Variants in HSF2BP observed in about 807,000 individuals in gnomAD.
HSF2BP encodes heat shock factor 2-binding protein.
In HSF2BP, 35 loss-of-function variants were observed where a neutral mutation model predicts 35.0. The ratio of observed to expected loss-of-function variants is 1.00; its 90% CI spans 0.76 to 1.32. The LOEUF (loss-of-function observed/expected upper bound fraction) is 1.32. HSF2BP is among the 40% of genes most tolerant of loss of function. The probability of loss-of-function intolerance (pLI) is 0.00; values close to 1 mark genes in which losing one functional copy is unlikely to be tolerated. For missense variants in HSF2BP, 326 were observed against 321.7 expected, an observed-to-expected ratio of 1.01 and a Z score of -0.10; for synonymous variants, 114 against 117.4, an observed-to-expected ratio of 0.97 and a Z score of 0.18.
chr21:43,658,016 C>G, intron 2 of HSF2BP, 45 bp downstream of exon 2: 2 of 1,534,968 alleles, frequency 1.3e-6, no homozygotes, highest in Non-Finnish European at 1.7e-6. Context: ...GAGCGAATGG[C>G]GACGGTTCAA....
At chr21:43,620,051 C>T (rs2082314350) in intron 6 of HSF2BP, among the ~76,000 whole-genome samples, 1 of 152,126 alleles carries the variant, frequency 6.6e-6, no homozygotes, top group African/African-American at 2.4e-5. Context: ...AAAGAGGCAG[C>T]AACCTAGCAG....
intron 7 of HSF2BP, among the ~76,000 whole-genome samples, chr21:43,602,984 C>T (rs2082069492): frequency 6.6e-6 from 1 of 151,858 alleles, no homozygotes; most frequent in African/African-American, 2.4e-5. Context: ...AAAGGCCTTT[C>T]ATGGCCTACT....
intron 6 of HSF2BP, among the ~76,000 whole-genome samples, chr21:43,618,013 C>T (rs2082290310): frequency 6.6e-6 from 1 of 152,044 alleles, no homozygotes; most frequent in Non-Finnish European, 1.5e-5. Flanking sequence ...AATCCCAATA[C>T]TTTTGGAGGC....
Position 43,650,210 on chromosome 21 carries a change from T to C in HSF2BP, c.188-5818A>G, listed in dbSNP as rs376162519. ...CATCTAGAACCATCATATACTATTATATAATTTTTTTTTTGAGACAGAGTC... is the reference window on the plus strand; with the variant it reads ...CATCTAGAACCATCATATACTATTACATAATTTTTTTTTTGAGACAGAGTC... On this transcript the variant is annotated intron_variant, in intron 3 of 8. Coordinates refer to ENST00000291560, the MANE Select transcript of HSF2BP (RefSeq NM_007031.2). 4.2e-4 allele frequency among the ~76,000 whole-genome samples: 64 copies of C among 152,274 alleles called. No individual in the cohort carries two copies. In the East Asian group the frequency reaches 9.9e-3, roughly 23 times the overall value.
At chr21:43,581,603 C>T (rs918991364) in intron 8 of HSF2BP, among the ~76,000 whole-genome samples, 3 of 152,172 alleles carry the variant, frequency 2.0e-5, no homozygotes, top group African/African-American at 7.2e-5. Flanking sequence ...GCCAGGAACA[C>T]GGCCACAGGC....
intron 7 of HSF2BP, among the ~76,000 whole-genome samples, chr21:43,609,238 G>A (rs1211344600): frequency 2.6e-5 from 4 of 152,198 alleles, no homozygotes; most frequent in Admixed American, 6.5e-5. Context: ...CTTGGTATAC[G>A]CGGACATAAA....
chr21:43,595,077 A>C (rs970995892), intron 7 of HSF2BP, among the ~76,000 whole-genome samples: 5 of 152,194 alleles, frequency 3.3e-5, no homozygotes, highest in Admixed American at 6.5e-5. Context: ...CCTGGCCAAC[A>C]TGGCAAAACC....
rs930277537 is a variant in HSF2BP at position 43,636,218 on chromosome 21, GAAA to G, written c.292-2800_292-2798del. 4.0e-4 allele frequency among the ~76,000 whole-genome samples: 15 copies of G among 37,342 alleles called. 1 individual carries two copies. The highest frequency in any genetic ancestry group is 2.9e-3 in the African/African-American group (15 of 5,130). 24.5% of individuals were successfully genotyped at this position (37,342 alleles called of 152,430 possible). A position where few individuals can be genotyped will look rare whatever the true frequency, so the allele number is the denominator to read the frequency against. On this transcript the variant is annotated intron_variant, in intron 4 of 8. Transcript: ENST00000291560. ...AAGAAAAAAAAGAAAGAAAAGAAAAGAAAAGAAAAGAAAAGAAAAGAAAAGAAA... is the reference window on the plus strand; with the variant it reads ...AAGAAAAAAAAGAAAGAAAAGAAAAGAGAAAAGAAAAGAAAAGAAAAGAAA...
chr21:43,620,588 AGG>A (rs2082320113), intron 6 of HSF2BP, among the ~76,000 whole-genome samples: 2 of 152,162 alleles, frequency 1.3e-5, no homozygotes, highest in African/African-American at 4.8e-5. Context: ...TTACCTACTC[AGG>A]AGGCTGAGGT....
intron 6 of HSF2BP, among the ~76,000 whole-genome samples, chr21:43,620,473 G>C (rs1186192171): frequency 6.6e-6 from 1 of 152,126 alleles, no homozygotes; most frequent in African/African-American, 2.4e-5. Context: ...TGAGATAGGG[G>C]CCTTGGGGCC....
chr21:43,645,168 G>A (rs2147085934), intron 3 of HSF2BP, among the ~76,000 whole-genome samples: 1 of 152,252 alleles, frequency 6.6e-6, no homozygotes, highest in South Asian at 2.1e-4. Context: ...AGATTTGAGG[G>A]TGCTAAGAGC....
chr21:43,619,577 C>T (rs561604983), intron 6 of HSF2BP, among the ~76,000 whole-genome samples: 108 of 152,292 alleles, frequency 7.1e-4, no homozygotes, highest in African/African-American at 2.5e-3. Flanking sequence ...CTGTGACACC[C>T]GTCTCCATAA....
chr21:43,611,377 T>A (rs1333928144), intron 7 of HSF2BP, among the ~76,000 whole-genome samples: 2 of 152,288 alleles, frequency 1.3e-5, no homozygotes, highest in African/African-American at 4.8e-5. Context: ...GAACACACCC[T>A]CCAGTCTCGC....
intron 3 of HSF2BP, among the ~76,000 whole-genome samples, chr21:43,645,705 C>T (rs909499707): frequency 1.3e-5 from 2 of 152,156 alleles, no homozygotes; most frequent in African/African-American, 4.8e-5. Flanking sequence ...GAAAACGGAA[C>T]ATTACTCCAC....
At position 43,630,396 on chromosome 21, in the gene HSF2BP, G is replaced by A. The variant is rs200655253; in HGVS notation, c.500C>T (p.Ser167Leu). The stretch of plus-strand genomic sequence containing the variant: ...CAGCTCCTGGACATCACCGTCTAAC[G>A]ACTTCACAAAACTCTCCATTGTTTG... ...TGQTMESFVKSLDGDVQELDS... is the reference protein window; with the variant it reads ...TGQTMESFVKLLDGDVQELDS... Residue 167 changes from serine (S) to leucine (L), a missense_variant, in exon 6 of 9, where the codon TCG (serine) becomes TTG (leucine). Ser to Leu is a moderately radical substitution (Grantham distance 145, BLOSUM62 -2). Coordinates refer to ENST00000291560, the MANE Select transcript of HSF2BP (RefSeq NM_007031.2). 1.5e-4 allele frequency: 243 copies of A among 1,613,506 alleles called. No individual in the cohort carries two copies. In the Middle Eastern group the frequency reaches 2.0e-3, roughly 13 times the overall value.
intron 6 of HSF2BP, among the ~76,000 whole-genome samples, chr21:43,622,127 A>G (rs1469302349): frequency 1.3e-5 from 2 of 152,188 alleles, no homozygotes; most frequent in African/African-American, 4.8e-5. Flanking sequence ...ATATCTAAAG[A>G]TTTTTTTGTA....
intron 6 of HSF2BP, among the ~76,000 whole-genome samples, chr21:43,623,377 A>C (rs2082353049): frequency 6.6e-6 from 1 of 152,230 alleles, no homozygotes; most frequent in Admixed American, 6.5e-5. Flanking sequence ...CTCCAAATAA[A>C]CAATCTAATG....
At chr21:43,653,204 AGGGAAGGGAAG>A (rs1482981165) in intron 3 of HSF2BP, among the ~76,000 whole-genome samples, 1 of 15,876 alleles carries the variant, frequency 6.3e-5, no homozygotes, top group Non-Finnish European at 1.1e-4. Context: ...GGGAAGGGGA[AGGGAAGGGAAG>A]GGGAAGGGAA....
At chr21:43,648,852 C>A (rs1193405314) in intron 3 of HSF2BP, among the ~76,000 whole-genome samples, 2 of 152,224 alleles carry the variant, frequency 1.3e-5, no homozygotes, top group Admixed American at 1.3e-4. Context: ...TGCTAAGAAT[C>A]TAAGAGTACC....
Sources: allele counts gnomAD v4.1 joint callset (sites outside exome capture counted in the v4.1 genomes callset), GRCh38; gene constraint gnomAD v4.1.1; transcripts MANE v1.5; gene names NCBI Gene and HGNC (gene_info 2026-07-23, HGNC 2026-07-21).